Variants in SYN3 observed in about 807,000 individuals in gnomAD.
SYN3 encodes the protein synapsin-3.
SYN3 carries 35 observed loss-of-function variants against 65.8 expected under a neutral mutation model. The observed-to-expected ratio is 0.53, with a 90% confidence interval of 0.41 to 0.70. The LOEUF (loss-of-function observed/expected upper bound fraction) is 0.70, where lower values mean the gene tolerates loss of function less well. Among genes scored for constraint, SYN3 ranks in the 30% least tolerant of loss-of-function variants. SYN3 has a pLI of 0.00. For synonymous variants in SYN3, 270 were observed against 292.9 expected, an observed-to-expected ratio of 0.92 and a Z score of 0.80; for missense variants, 680 against 749.0, an observed-to-expected ratio of 0.91 and a Z score of 1.08.
In SYN3 at chr22:32,857,233, T is replaced by A. The variant is rs542900432; in HGVS notation, c.711+7682A>T. On this transcript the variant is annotated intron_variant, in intron 6 of 13. Coordinates refer to ENST00000358763, the MANE Select transcript of SYN3 (RefSeq NM_003490.4). ...AACTGGGAAAGAAGAAGTCATGATG[T>A]TCCTTTTGCCCACAGATGTACCGAG... The A allele has an allele frequency of 8.6e-5, 137 of 1,597,896 alleles. 3 individuals carry two copies. The Middle Eastern group carries it at 1.0e-3, about 12-fold the overall frequency.
chr22:32,759,031 A>G (rs1018791), intron 6 of SYN3, among the ~76,000 whole-genome samples: 142,283 of 152,010 alleles, frequency 0.94, 66,705 homozygotes, highest in African/African-American at 0.97. Flanking sequence ...TAACCACATC[A>G]TTAAGATTTA....
intron 6 of SYN3, among the ~76,000 whole-genome samples, chr22:32,782,436 A>G (rs984905395): frequency 2.2e-4 from 33 of 151,770 alleles, no homozygotes; most frequent in Middle Eastern, 3.5e-3. Context: ...TCCTGATCTC[A>G]GGTAATCCAC....
intron 7 of SYN3, among the ~76,000 whole-genome samples, chr22:32,574,402 C>T (rs947379167): frequency 3.3e-5 from 5 of 152,082 alleles, no homozygotes; most frequent in African/African-American, 1.2e-4. Flanking sequence ...TGGCTTGAGC[C>T]TAGGAGTTTG....
chr22:32,919,880 G>C (rs1485632478), intron 4 of SYN3, among the ~76,000 whole-genome samples: 2 of 152,044 alleles, frequency 1.3e-5, no homozygotes, highest in Non-Finnish European at 2.9e-5. Context: ...TGTAAAATGG[G>C]GACACATAGA....
At chr22:32,754,727 C>T (rs2045242634) in intron 6 of SYN3, among the ~76,000 whole-genome samples, 1 of 152,236 alleles carries the variant, frequency 6.6e-6, no homozygotes, top group South Asian at 2.1e-4. Flanking sequence ...ACCTTGATGC[C>T]TTTGCTCCTT....
intron 2 of SYN3, among the ~76,000 whole-genome samples, chr22:33,000,147 C>T (rs989786221): frequency 1.3e-5 from 2 of 152,150 alleles, no homozygotes; most frequent in African/African-American, 2.4e-5. Flanking sequence ...GGGAGGATCG[C>T]TTCAGCCCAG....
intron 6 of SYN3, among the ~76,000 whole-genome samples, chr22:32,703,528 T>A (rs2060837816): frequency 1.3e-5 from 2 of 151,750 alleles, no homozygotes; most frequent in Admixed American, 6.6e-5. Flanking sequence ...TCTCAGCTAC[T>A]CGGGAGGCTG....
At chr22:32,518,563 T>G (rs1360718904) in intron 12 of SYN3, 1 of 682,234 alleles carries the variant, frequency 1.5e-6, no homozygotes. Context: ...TGAGTAATAC[T>G]AAATGACACA....
Position 32,755,593 on chromosome 22 carries a change from C to T in SYN3, c.711+109322G>A, listed in dbSNP as rs1324863781. Among the ~76,000 whole-genome samples, 4 of 152,168 alleles carry T rather than the reference C, an allele frequency of 2.6e-5. No individual in the cohort carries two copies. The East Asian group carries it at 7.7e-4, about 29-fold the overall frequency. On this transcript the variant is annotated intron_variant, in intron 6 of 13. Transcript: ENST00000358763. ...GTTTATCTACTCTAAAGACAAAGAG[C>T]TTTCTTGCCCAGGAAATCATGCCCC... is the stretch of plus-strand genomic sequence containing the variant.
chr22:32,978,064 G>A (rs539738414), intron 3 of SYN3, among the ~76,000 whole-genome samples: 95 of 152,210 alleles, frequency 6.2e-4, no homozygotes, highest in Admixed American at 9.2e-4. Context: ...GGATTGTAAA[G>A]CTAACACTTC....
At chr22:32,948,563 C>T (rs928711430) in intron 3 of SYN3, among the ~76,000 whole-genome samples, 1 of 151,868 alleles carries the variant, frequency 6.6e-6, no homozygotes, top group Non-Finnish European at 1.5e-5. Context: ...GGTGAAACCT[C>T]GTCTCTACTA....
intron 1 of SYN3, among the ~76,000 whole-genome samples, chr22:33,046,232 G>A (rs2054062169): frequency 6.6e-6 from 1 of 152,216 alleles, no homozygotes; most frequent in South Asian, 2.1e-4. Flanking sequence ...TTCATACGTT[G>A]TTGATGGAAA....
chr22:32,996,069 A>C, intron 2 of SYN3, among the ~76,000 whole-genome samples: 1 of 152,148 alleles, frequency 6.6e-6, no homozygotes, highest in Non-Finnish European at 1.5e-5. Context: ...TTCCAGGGCA[A>C]CTGAATATTT....
At chr22:32,784,558 C>T (rs11703138) in intron 6 of SYN3, among the ~76,000 whole-genome samples, 13,041 of 152,242 alleles carry the variant, frequency 0.086, 687 homozygotes, top group Admixed American at 0.15. Context: ...TTAGTTTCAG[C>T]CTTGCAGAGG....
chr22:33,030,298 G>A (rs1359239091), intron 1 of SYN3, among the ~76,000 whole-genome samples: 1 of 152,244 alleles, frequency 6.6e-6, no homozygotes, highest in Non-Finnish European at 1.5e-5. Flanking sequence ...TAGAGACAAA[G>A]GGGACCTTCT....
chr22:32,913,756 C>T (rs920410368), intron 4 of SYN3, among the ~76,000 whole-genome samples: 2 of 152,114 alleles, frequency 1.3e-5, no homozygotes, highest in Non-Finnish European at 2.9e-5. Context: ...TGCGAAGAGC[C>T]GCAAAAGGTG....
At chr22:32,672,051 T>C (rs2060379012) in intron 6 of SYN3, among the ~76,000 whole-genome samples, 1 of 152,208 alleles carries the variant, frequency 6.6e-6, no homozygotes. Flanking sequence ...AGAAAAGTCA[T>C]AATGAAGAGA....
intron 7 of SYN3, among the ~76,000 whole-genome samples, chr22:32,589,578 T>C (rs2146546025): frequency 6.6e-6 from 1 of 152,336 alleles, no homozygotes; most frequent in Admixed American, 6.5e-5. Flanking sequence ...TTGCTCCAAC[T>C]GTCCAGTGAT....
chr22:33,035,338 C>CT (rs1556217263), intron 1 of SYN3, among the ~76,000 whole-genome samples: 2 of 80,982 alleles, frequency 2.5e-5, no homozygotes, highest in African/African-American at 4.1e-5. Flanking sequence ...GGACCCCCCC[C>CT]CCCCCCGCCA....
Sources: gnomAD v4.1 joint callset for allele counts (sites outside exome capture counted in the v4.1 genomes callset) on GRCh38, gnomAD v4.1.1 for gene constraint, MANE v1.5 for transcripts, NCBI Gene and HGNC (gene_info 2026-07-23, HGNC 2026-07-21) for gene names.